Variants in TRIM37 observed in about 807,000 individuals in gnomAD.
TRIM37 encodes the protein tripartite motif containing 37, also known as E3 ubiquitin-protein ligase TRIM37.
Under a neutral mutation model 129.8 loss-of-function variants are expected in TRIM37, and 80 were observed. That is an observed-to-expected ratio of 0.62 (90% CI 0.51 to 0.74). The LOEUF is 0.74. TRIM37 is among the 30% of genes least tolerant of loss of function. The probability of loss-of-function intolerance (pLI) is 0.00; values close to 1 mark genes in which losing one functional copy is unlikely to be tolerated. For synonymous variants in TRIM37, 389 were observed against 387.1 expected, an observed-to-expected ratio of 1.00 and a Z score of -0.06; for missense variants, 1,054 against 1,176.5, an observed-to-expected ratio of 0.90 and a Z score of 1.52.
chr17:59,099,479 T>A (rs2045252017), intron 2 of TRIM37, among the ~76,000 whole-genome samples: 1 of 152,056 alleles, frequency 6.6e-6, no homozygotes, highest in Non-Finnish European at 1.5e-5. Flanking sequence ...ACATTATGAA[T>A]GTAATTAAAG....
At chr17:59,053,888 C>T (rs961739180) in intron 13 of TRIM37, among the ~76,000 whole-genome samples, 2 of 151,976 alleles carry the variant, frequency 1.3e-5, no homozygotes, top group Non-Finnish European at 2.9e-5. Flanking sequence ...CACTTGAGCC[C>T]GAGAATTCTA....
downstream of TRIM37, among the ~76,000 whole-genome samples, chr17:58,994,701 T>A (rs1427577772): frequency 3.9e-5 from 6 of 152,188 alleles, no homozygotes; most frequent in South Asian, 1.2e-3. Flanking sequence ...TTGGAACCAA[T>A]CCCTCACAGA....
intron 9 of TRIM37, 81 bp from the exon 10 acceptor site, chr17:59,064,486 A>C: frequency 1.1e-6 from 1 of 951,528 alleles, no homozygotes; most frequent in Non-Finnish European, 1.6e-6. Flanking sequence ...GTCCCTCACT[A>C]GTATCTTAAA....
At chr17:58,971,441 T>C in the TRIM37 span, among the ~76,000 whole-genome samples, 3 of 152,206 alleles carry the variant, frequency 2.0e-5, no homozygotes, top group Non-Finnish European at 2.9e-5. Context: ...CATTTTCGTA[T>C]AGTAGGACCA....
At chr17:59,020,288 T>G (rs1243441066) in intron 19 of TRIM37, among the ~76,000 whole-genome samples, 1 of 61,276 alleles carries the variant, frequency 1.6e-5, no homozygotes, top group African/African-American at 6.1e-5. Flanking sequence ...AGCAGAAATA[T>G]AATGAAATGG....
intron 5 of TRIM37, 95 bp downstream of exon 5, chr17:59,083,896 AACTTTCATTCT>A (rs1232994871): frequency 3.3e-6 from 3 of 911,942 alleles, no homozygotes; most frequent in Non-Finnish European, 5.4e-6. Flanking sequence ...GATGCATTTT[AACTTTCATTCT>A]ACGAGAGCAT....
intron 20 of TRIM37, among the ~76,000 whole-genome samples, chr17:59,016,408 A>C (rs1366117696): frequency 6.6e-6 from 1 of 151,254 alleles, no homozygotes; most frequent in African/African-American, 2.4e-5. Context: ...AAAAAAAAAA[A>C]AAAAAAACTT....
At chr17:58,987,607 C>T (rs1393777511) in intron 24 of TRIM37, among the ~76,000 whole-genome samples, 1 of 152,160 alleles carries the variant, frequency 6.6e-6, no homozygotes, top group African/African-American at 2.4e-5. Context: ...TTCTATAAAT[C>T]TAGACTATGA....
chr17:59,005,291 CTTTTT>C (rs917161086), intron 22 of TRIM37, among the ~76,000 whole-genome samples: 1 of 149,448 alleles, frequency 6.7e-6, no homozygotes, highest in African/African-American at 2.5e-5. Flanking sequence ...ACATGTGTAT[CTTTTT>C]TTTTTGAGAC....
At chr17:59,009,293 G>T (rs1357723802) in intron 22 of TRIM37, among the ~76,000 whole-genome samples, 2 of 151,454 alleles carry the variant, frequency 1.3e-5, no homozygotes, top group Non-Finnish European at 2.9e-5. Flanking sequence ...ATGCCTGGCT[G>T]ATTTTTCTAT....
rs562835186 is a variant in TRIM37, at chr17:59,038,090, C to T, written c.1753+3723G>A. Among the ~76,000 whole-genome samples, 7 of 152,282 alleles carry T rather than the reference C, an allele frequency of 4.6e-5. No homozygotes were observed. In the South Asian group the frequency reaches 1.5e-3, roughly 32 times the overall value. On this transcript the variant is annotated intron_variant, in intron 17 of 23. Transcript: ENST00000262294. ...AACATGCTATCAACATGACCTATCA[C>T]TTACAATACTAAATTTAATCACCTG...
intron 13 of TRIM37, among the ~76,000 whole-genome samples, chr17:59,053,608 AG>A (rs1017456531): frequency 2.6e-5 from 4 of 152,220 alleles, no homozygotes; most frequent in Non-Finnish European, 5.9e-5. Context: ...TGTACTAATA[AG>A]TAACGCTAAT....
At chr17:59,010,130 C>G (rs965866669) in intron 22 of TRIM37, among the ~76,000 whole-genome samples, 2 of 152,196 alleles carry the variant, frequency 1.3e-5, no homozygotes, top group African/African-American at 4.8e-5. Context: ...CCCACTCTGG[C>G]AAGTGATTCT....
At chr17:58,967,834 TC>T in the TRIM37 span, among the ~76,000 whole-genome samples, 3 of 150,840 alleles carry the variant, frequency 2.0e-5, no homozygotes, top group East Asian at 5.9e-4. Context: ...GGAGTCTCGC[TC>T]GCTCTGTCTC....
At chr17:58,972,037 T>C in the TRIM37 span, 1 of 1,202,826 alleles carries the variant, frequency 8.3e-7, no homozygotes, top group African/African-American at 1.5e-5. Context: ...ATAGTATAGC[T>C]CCCAGCTGAA....
chr17:59,096,784 A>C (rs2044928229), intron 2 of TRIM37, among the ~76,000 whole-genome samples: 1 of 152,114 alleles, frequency 6.6e-6, no homozygotes, highest in African/African-American at 2.4e-5. Flanking sequence ...TGTACTGTGC[A>C]TCCTCATTCA....
intron 10 of TRIM37, 28 bp from the exon 11 acceptor site, chr17:59,062,676 C>T: frequency 6.3e-7 from 1 of 1,596,468 alleles, no homozygotes; most frequent in Non-Finnish European, 8.6e-7. Context: ...CAACCAAATC[C>T]CAAGATCAAA....
At chr17:58,969,869 T>A in the TRIM37 span, 1 of 793,266 alleles carries the variant, frequency 1.3e-6, no homozygotes, top group Non-Finnish European at 2.0e-6. Context: ...TATTGGATTC[T>A]GTTGTAGTTC....
chr17:58,986,670 G>T (rs960852629), intron 24 of TRIM37, among the ~76,000 whole-genome samples: 1 of 151,722 alleles, frequency 6.6e-6, no homozygotes, highest in East Asian at 1.9e-4. Flanking sequence ...CGGCCACCAC[G>T]CCTGGCTTTT....
Sources: gnomAD v4.1 joint callset for allele counts (sites outside exome capture counted in the v4.1 genomes callset) on GRCh38, gnomAD v4.1.1 for gene constraint, MANE v1.5 for transcripts, NCBI Gene and HGNC (gene_info 2026-07-23, HGNC 2026-07-21) for gene names.